Variants in SMAP1 observed in about 807,000 individuals in gnomAD.
SMAP1 encodes the protein stromal membrane-associated protein 1.
SMAP1 carries 24 observed loss-of-function variants against 58.5 expected under a neutral mutation model. That is an observed-to-expected ratio of 0.41 (90% CI 0.30 to 0.58). The LOEUF (loss-of-function observed/expected upper bound fraction) is 0.58, where lower values mean the gene tolerates loss of function less well. SMAP1 is among the 20% of genes least tolerant of loss of function. The pLI, the probability that SMAP1 is intolerant of heterozygous loss-of-function variation, is 0.29. For missense variants in SMAP1, 563 were observed against 566.3 expected, an observed-to-expected ratio of 0.99 and a Z score of 0.06; for synonymous variants, 216 against 196.6, an observed-to-expected ratio of 1.10 and a Z score of -0.82.
Position 70,704,019 on chromosome 6 carries a change from T to C in SMAP1, c.119-28359T>C, listed in dbSNP as rs184013775. Among the ~76,000 whole-genome samples the C allele has an allele frequency of 7.2e-5, 11 of 152,378 alleles. No homozygotes were observed. In the East Asian group the frequency reaches 1.5e-3, roughly 21 times the overall value. The stretch of plus-strand genomic sequence containing the variant: ...TTGGATTTAAAGTTGCTTTAGTCGA[T>C]TGGGCAAATTTCAGCGTCTGTTCCT... On this transcript the variant is annotated intron_variant, in intron 1 of 10. Transcript: ENST00000370455.
At chr6:70,810,405 A>C (rs963688991) in intron 6 of SMAP1, among the ~76,000 whole-genome samples, 5 of 152,220 alleles carry the variant, frequency 3.3e-5, no homozygotes, top group Admixed American at 3.3e-4. Context: ...GTAAGCAAGA[A>C]GAAAAAATTA....
intron 7 of SMAP1, among the ~76,000 whole-genome samples, chr6:70,837,311 G>A (rs921240992): frequency 3.3e-5 from 5 of 152,144 alleles, no homozygotes; most frequent in East Asian, 1.9e-4. Flanking sequence ...ACATTTTAGC[G>A]CTTACAATAA....
At chr6:70,726,357 A>T (rs1169623839) in intron 1 of SMAP1, among the ~76,000 whole-genome samples, 1 of 152,214 alleles carries the variant, frequency 6.6e-6, no homozygotes, top group Non-Finnish European at 1.5e-5. Flanking sequence ...CAGAACATAC[A>T]GAGATCAATA....
chr6:70,780,792 G>C (rs1179868191), intron 4 of SMAP1, among the ~76,000 whole-genome samples: 1 of 152,156 alleles, frequency 6.6e-6, no homozygotes, highest in Non-Finnish European at 1.5e-5. Context: ...TGTCTCTTCA[G>C]CTAGTGAGTT....
intron 6 of SMAP1, among the ~76,000 whole-genome samples, chr6:70,835,164 A>G (rs1233477024): frequency 6.7e-6 from 1 of 149,266 alleles, no homozygotes. Context: ...AGGCAGGAGA[A>G]TGGCTTGAAC....
intron 1 of SMAP1, among the ~76,000 whole-genome samples, chr6:70,673,328 G>A (rs1373649794): frequency 6.6e-6 from 1 of 152,198 alleles, no homozygotes; most frequent in African/African-American, 2.4e-5. Flanking sequence ...GTCTGTAGAC[G>A]TTTTTTGTTA....
At chr6:70,789,491 C>A (rs1358715758) in intron 4 of SMAP1, among the ~76,000 whole-genome samples, 1 of 151,766 alleles carries the variant, frequency 6.6e-6, no homozygotes. Context: ...GTTATGAATT[C>A]ACCTGTTCAT....
chr6:70,786,939 G>GA (rs1224315407), intron 4 of SMAP1, among the ~76,000 whole-genome samples: 11 of 152,018 alleles, frequency 7.2e-5, no homozygotes, highest in Non-Finnish European at 1.5e-4. Flanking sequence ...CACAGAATTG[G>GA]AAAAAACTAC....
intron 7 of SMAP1, among the ~76,000 whole-genome samples, chr6:70,839,668 TAGG>T (rs1378767136): frequency 2.0e-5 from 3 of 152,032 alleles, no homozygotes; most frequent in Non-Finnish European, 4.4e-5. Flanking sequence ...GTTCCAAAGA[TAGG>T]AGGAGTGGGA....
In SMAP1 at chr6:70,860,237, C is replaced by T. The variant is rs780872001; in HGVS notation, c.1307C>T (p.Ala436Val). ...ATGGCTGGCATGAGTATCAGTAGTG[C>T]AACCCCTACTGCAGGTTTTGGCCAG... The part of the protein sequence containing the change: ...QQMAGMSISS[A>V]TPTAGFGQPS... Residue 436 changes from alanine to valine, a missense_variant, in exon 11 of 11, where the codon GCA becomes GTA. Ala to Val is a moderately conservative substitution (Grantham distance 64, BLOSUM62 0). Around this residue, in one of 3 missense-constraint regions of SMAP1, gnomAD observed 494 missense variants for 473.8 expected, o/e 1.04. Transcript: ENST00000370455. The T allele has an allele frequency of 1.1e-5, 17 of 1,613,392 alleles. 1 individual carries two copies. The South Asian group carries it at 1.2e-4, about 11-fold the overall frequency.
intron 2 of SMAP1, among the ~76,000 whole-genome samples, chr6:70,732,880 G>C (rs1241263519): frequency 6.6e-6 from 1 of 152,082 alleles, no homozygotes; most frequent in Non-Finnish European, 1.5e-5. Flanking sequence ...ATGGACTTGA[G>C]TAATTTCCTT....
Position 70,861,991 on chromosome 6 carries a change from TAAA to T in SMAP1, c.*1667_*1669del, listed in dbSNP as rs575008239. The T allele has an allele frequency of 1.1e-5, 13 of 1,222,774 alleles. No homozygotes were observed. Among genetic ancestry groups the T allele is most frequent in the Middle Eastern group, 2.3e-4 (1 of 4,280 alleles). 75.7% of individuals were successfully genotyped at this position (1,222,774 alleles called of 1,614,324 possible). ...CTTACAGCAAATCCTTTGTGAAAAA[TAAA>T]AAAAAAAAAGAGACTTTAAAATCCT... On this transcript the variant is annotated 3_prime_UTR_variant, in exon 11 of 11. Coordinates refer to ENST00000370455, the MANE Select transcript of SMAP1 (RefSeq NM_001044305.3).
At chr6:70,853,074 C>A (rs1229711849) in intron 8 of SMAP1, among the ~76,000 whole-genome samples, 1 of 152,108 alleles carries the variant, frequency 6.6e-6, no homozygotes, top group Non-Finnish European at 1.5e-5. Context: ...TACTTCAGAG[C>A]TTTTAAAACT....
At position 70,858,296 on chromosome 6, in the gene SMAP1, T is replaced by G; in HGVS notation, c.1269+67T>G. ...GATTTATTTTCTAAATCTTTTTTTT[T>G]TTTTTTTTTTTTTTTTTTTAAGTCT... On this transcript the variant is annotated intron_variant, in intron 10 of 10. Coordinates refer to ENST00000370455, the MANE Select transcript of SMAP1 (RefSeq NM_001044305.3). 11 of 1,217,820 alleles carry G rather than the reference T, an allele frequency of 9.0e-6. 1 individual carries two copies. In the South Asian group the frequency reaches 1.0e-4, roughly 11 times the overall value. The allele number at this position is 1,217,820 out of a possible 1,614,324, so 75.4% of individuals were successfully genotyped here.
intron 3 of SMAP1, among the ~76,000 whole-genome samples, chr6:70,763,133 G>A (rs1163177014): frequency 7.7e-5 from 3 of 39,158 alleles, no homozygotes; most frequent in Admixed American, 2.8e-4. Context: ...TTTTTTTTAC[G>A]AATTGAATGT....
chr6:70,699,735 C>T (rs1353250312), intron 1 of SMAP1, among the ~76,000 whole-genome samples: 4 of 151,728 alleles, frequency 2.6e-5, no homozygotes, highest in Non-Finnish European at 4.4e-5. Context: ...ACGTAAGGTC[C>T]GAGGGCTCTT....
chr6:70,804,617 T>C (rs1226691008), intron 6 of SMAP1, among the ~76,000 whole-genome samples: 1 of 152,224 alleles, frequency 6.6e-6, no homozygotes, highest in Non-Finnish European at 1.5e-5. Flanking sequence ...TTTGGCCTGT[T>C]TTTGCATTGG....
intron 8 of SMAP1, among the ~76,000 whole-genome samples, chr6:70,854,360 G>A (rs181661519): frequency 7.1e-4 from 108 of 152,240 alleles, no homozygotes; most frequent in Non-Finnish European, 1.1e-3. Context: ...GGTGGTTCAT[G>A]CCTGTAATCC....
rs543320106 is a variant in SMAP1, at chr6:70,676,478, T to C, written c.118+8337T>C. On this transcript the variant is annotated intron_variant, in intron 1 of 10. Transcript: ENST00000370455. ...ATGAGATAGGGGTGGGAATCTGAAC[T>C]GTAGAGTCAGGATTTGAGCCCGGGA... Among the ~76,000 whole-genome samples, 13 of 152,268 alleles carry C rather than the reference T, an allele frequency of 8.5e-5. No homozygotes were observed. In the East Asian group the frequency reaches 2.3e-3, roughly 27 times the overall value.
Sources: allele counts gnomAD v4.1 joint callset (sites outside exome capture counted in the v4.1 genomes callset), GRCh38; gene constraint gnomAD v4.1.1; regional missense constraint gnomAD v4.1.1; transcripts MANE v1.5; gene names NCBI Gene and HGNC (gene_info 2026-07-23, HGNC 2026-07-21).